MYO7A: variants seen among roughly 807,000 people sequenced by gnomAD.
MYO7A encodes the protein unconventional myosin-VIIa.
MYO7A carries 210 observed loss-of-function variants against 263.8 expected under a neutral mutation model. The observed-to-expected ratio is 0.80, with a 90% CI of 0.71 to 0.89. The LOEUF is 0.89. Among genes scored for constraint, MYO7A ranks in the 40% least tolerant of loss-of-function variants. The probability of loss-of-function intolerance (pLI) is 0.00; values close to 1 mark genes in which losing one functional copy is unlikely to be tolerated. For synonymous variants in MYO7A, 1,239 were observed against 1,197.3 expected, an observed-to-expected ratio of 1.03 and a Z score of -0.72; for missense variants, 2,820 against 2,968.3, an observed-to-expected ratio of 0.95 and a Z score of 1.16.
Position 77,209,237 on chromosome 11 carries a change from C to T in MYO7A, c.6051+434C>T, listed in dbSNP as rs1474913969. 2.3e-5 allele frequency: 4 copies of T among 171,554 alleles called. No individual in the cohort carries two copies. In the South Asian group the frequency reaches 4.6e-4, roughly 20 times the overall value. 10.6% of individuals were successfully genotyped at this position (171,554 alleles called of 1,614,324 possible). On this transcript the variant is annotated intron_variant, in intron 44 of 48. Coordinates refer to ENST00000409709, the MANE Select transcript of MYO7A (RefSeq NM_000260.4). Reference sequence around the variant, plus strand: ...CTCATTCTGTCCTCCCAACTAACCCCAAGAAGCAGGCATGTTGTCCCCATT... The same window carrying T: ...CTCATTCTGTCCTCCCAACTAACCCTAAGAAGCAGGCATGTTGTCCCCATT...
chr11:77,179,212 C>A lies in MYO7A; in HGVS notation c.2367+83C>A. The stretch of plus-strand genomic sequence containing the variant: ...CCATGGCAGTGGGACTGGCCTGCAC[C>A]CAGGCAGCACAGCCTGGCCTCGTTG... On this transcript the variant is annotated intron_variant, in intron 20 of 48. Transcript: ENST00000409709. 5 of 1,253,200 alleles carry A rather than the reference C, an allele frequency of 4.0e-6. No homozygotes were observed. The East Asian group carries it at 7.7e-5, about 19-fold the overall frequency. 77.6% of individuals were successfully genotyped at this position (1,253,200 alleles called of 1,614,324 possible).
Position 77,158,441 on chromosome 11 carries a change from G to T in MYO7A, c.1003+11G>T, listed in dbSNP as rs376688870. 9 of 1,608,700 alleles carry T rather than the reference G, an allele frequency of 5.6e-6. No individual in the cohort carries two copies. The highest frequency in any genetic ancestry group is 1.3e-5 in the African/African-American group (1 of 74,884). Reference sequence around the variant, plus strand: ...ACCTGCAGTATGAGGGTGAGGCTGCGCCACACTCGCCCTGCCCCACCCCTG... The same window carrying T: ...ACCTGCAGTATGAGGGTGAGGCTGCTCCACACTCGCCCTGCCCCACCCCTG... On this transcript the variant is annotated intron_variant, in intron 9 of 48. Transcript: ENST00000409709.
chr11:77,153,536 G>A (rs1952169824), intron 4 of MYO7A, among the ~76,000 whole-genome samples: 1 of 152,124 alleles, frequency 6.6e-6, no homozygotes, highest in Non-Finnish European at 1.5e-5. Context: ...CAGCGTCTCA[G>A]CATCCCCCAT....
chr11:77,171,114 C>T (rs372899427), intron 15 of MYO7A, among the ~76,000 whole-genome samples: 6 of 152,212 alleles, frequency 3.9e-5, no homozygotes, highest in Admixed American at 2.0e-4. Flanking sequence ...GCAGGGAGGA[C>T]GGGCAGAAAG....
intron 46 of MYO7A, 72 bp from the exon 47 acceptor site, chr11:77,212,880 G>A (rs1031245706): frequency 1.1e-5 from 14 of 1,227,522 alleles, no homozygotes; most frequent in Non-Finnish European, 1.6e-5. Context: ...CTGGGGCCAG[G>A]CTTCATTCCT....
chr11:77,176,526 G>A (rs1301602586), intron 18 of MYO7A, among the ~76,000 whole-genome samples: 4 of 152,200 alleles, frequency 2.6e-5, no homozygotes, highest in Non-Finnish European at 5.9e-5. Context: ...AGTCTGGGAA[G>A]GTCTGATGCC....
chr11:77,142,428 G>C (rs1951269509), intron 2 of MYO7A: 1 of 296,822 alleles, frequency 3.4e-6, no homozygotes, highest in South Asian at 3.8e-5. Flanking sequence ...CATGGGGAGA[G>C]CTGGGCTTTG....
At chr11:77,133,570 A>C (rs1395057229) in intron 2 of MYO7A, among the ~76,000 whole-genome samples, 2 of 152,364 alleles carry the variant, frequency 1.3e-5, no homozygotes, top group Non-Finnish European at 2.9e-5. Flanking sequence ...TACTATTTGC[A>C]TGAAATCCTT....
intron 18 of MYO7A, among the ~76,000 whole-genome samples, chr11:77,176,692 A>T (rs1008988787): frequency 2.0e-5 from 3 of 152,118 alleles, no homozygotes; most frequent in Non-Finnish European, 4.4e-5. Flanking sequence ...TCATCCATTC[A>T]TTCATTCAGA....
At position 77,190,880 on chromosome 11, in the gene MYO7A, C is replaced by A; in HGVS notation, c.3924+10C>A. 6.5e-7 allele frequency: 1 copy of A among 1,544,534 alleles called. No individual in the cohort carries two copies. The highest frequency in any genetic ancestry group is 8.8e-7 in the Non-Finnish European group (1 of 1,141,256). ...TGCCCTGTTTGACAAGGTATGGCCG[C>A]CCGGAAGCACCTCCTCCCGGAAGCA... On this transcript the variant is annotated intron_variant, in intron 30 of 48. Coordinates refer to ENST00000409709, the MANE Select transcript of MYO7A (RefSeq NM_000260.4).
Position 77,179,115 on chromosome 11 carries a change from A to G in MYO7A, c.2353A>G (p.Lys785Glu). Reference sequence around the variant, plus strand: ...GCACTGGCGGGGTCACAACTGTAGGAAGAACTACGGGCTGGTGAGCCTCCC... The same window carrying G: ...GCACTGGCGGGGTCACAACTGTAGGGAGAACTACGGGCTGGTGAGCCTCCC... ...QRHWRGHNCR[K>E]NYGLMRLGFL... is the part of the protein sequence containing the mutation. The change falls in exon 20 of 49, where the codon AAG becomes GAG. Residue 785 changes from lysine to glutamate, a missense_variant. Transcript: ENST00000409709. 6.2e-7 allele frequency: 1 copy of G among 1,603,084 alleles called. No individual in the cohort carries two copies. Among genetic ancestry groups the G allele is most frequent in the East Asian group, 2.2e-5 (1 of 44,478 alleles).
In MYO7A at chr11:77,130,659, G is replaced by A. The variant is rs1555045802; in HGVS notation, c.18+7G>A. 1.9e-6 allele frequency: 3 copies of A among 1,613,038 alleles called. No homozygotes were observed. The African/African-American group carries it at 4.0e-5, about 22-fold the overall frequency. On this transcript the variant is annotated splice_region_variant and intron_variant, in intron 2 of 48. Transcript: ENST00000409709. Reference sequence around the variant, plus strand: ...CATGGTGATTCTTCAGCAGGTCAGTGTTCCCACCTCTTTGGGTGGCCTGTC... The same window carrying A: ...CATGGTGATTCTTCAGCAGGTCAGTATTCCCACCTCTTTGGGTGGCCTGTC...
chr11:77,207,865 G>A lies in MYO7A; in HGVS notation c.5856+463G>A, dbSNP rs1206576832. On this transcript the variant is annotated intron_variant, in intron 42 of 48. Transcript: ENST00000409709. ...AGGTGGGTCTGGCTCTAAAGCCCAC[G>A]CCCCTGCCACCATTTCACATCACGC... Among the ~76,000 whole-genome samples the A allele has an allele frequency of 3.9e-5, 6 of 152,232 alleles. No homozygotes were observed. The East Asian group carries it at 7.7e-4, about 20-fold the overall frequency.
At chr11:77,166,297 A>ACATAAT in intron 15 of MYO7A, 135 bp downstream of exon 15, 1 of 761,852 alleles carries the variant, frequency 1.3e-6, no homozygotes. Flanking sequence ...CTGTGGCTCC[A>ACATAAT]GGAGGGGCCT....
chr11:77,186,024 G>C (rs1173797379), intron 27 of MYO7A, among the ~76,000 whole-genome samples: 1 of 151,162 alleles, frequency 6.6e-6, no homozygotes, highest in African/African-American at 2.4e-5. Flanking sequence ...CCGGGTTCAA[G>C]CAATTCTCCT....
intron 2 of MYO7A, among the ~76,000 whole-genome samples, chr11:77,131,536 C>CT (rs1249155981): frequency 2.6e-5 from 4 of 152,238 alleles, no homozygotes; most frequent in Admixed American, 1.3e-4. Flanking sequence ...AGAGCCTGTT[C>CT]AAACGCCCAT....
chr11:77,152,295 G>A (rs1224341537), intron 4 of MYO7A, among the ~76,000 whole-genome samples: 6 of 152,132 alleles, frequency 3.9e-5, no homozygotes, highest in East Asian at 1.9e-4. Context: ...GCCACATCCC[G>A]ACCGCCTTTC....
chr11:77,185,001 G>A lies in MYO7A; in HGVS notation c.3503+286G>A, dbSNP rs1244712910. ...ATAAAGAGAGCTGCAGAAATATTTT[G>A]GTTTCCCAGTGCATATAAAAGTCAT... On this transcript the variant is annotated intron_variant, in intron 27 of 48. Coordinates refer to ENST00000409709, the MANE Select transcript of MYO7A (RefSeq NM_000260.4). 4 of 613,774 alleles carry A rather than the reference G, an allele frequency of 6.5e-6. No individual in the cohort carries two copies. The African/African-American group carries it at 7.4e-5, about 11-fold the overall frequency. 38.0% of individuals were successfully genotyped at this position (613,774 alleles called of 1,614,324 possible). A position where few individuals can be genotyped will look rare whatever the true frequency, so the allele number is the denominator to read the frequency against.
chr11:77,169,829 A>G (rs528020753), intron 15 of MYO7A, among the ~76,000 whole-genome samples: 2 of 152,234 alleles, frequency 1.3e-5, no homozygotes, highest in Non-Finnish European at 1.5e-5. Flanking sequence ...TAATTCCAAA[A>G]CTTTGGGAGG....
Sources: allele counts gnomAD v4.1 joint callset (sites outside exome capture counted in the v4.1 genomes callset), GRCh38; gene constraint gnomAD v4.1.1; transcripts MANE v1.5; gene names NCBI Gene and HGNC (gene_info 2026-07-23, HGNC 2026-07-21).